LY96: variants seen among roughly 807,000 people sequenced by gnomAD.
LY96 encodes myeloid differentiation protein-2.
Under a neutral mutation model 18.9 loss-of-function variants are expected in LY96, and 18 were observed. That is an observed-to-expected ratio of 0.95 (90% CI 0.66 to 1.41). The LOEUF is 1.41. Ranked by LOEUF, LY96 falls within the 40% of genes most tolerant of loss-of-function variation. The pLI is 0.00. For missense variants in LY96, 175 were observed against 182.4 expected, an observed-to-expected ratio of 0.96 and a Z score of 0.23; for synonymous variants, 66 against 62.6, an observed-to-expected ratio of 1.06 and a Z score of -0.26.
intron 1 of LY96, among the ~76,000 whole-genome samples, chr8:73,999,584 T>G (rs542408775): frequency 6.6e-6 from 1 of 152,350 alleles, no homozygotes; most frequent in East Asian, 1.9e-4. Flanking sequence ...CAGTATTTAG[T>G]AACATTACTG....
the LY96 span, among the ~76,000 whole-genome samples, chr8:74,047,376 C>T: frequency 3.3e-5 from 5 of 152,196 alleles, no homozygotes; most frequent in African/African-American, 9.7e-5. Flanking sequence ...GTTTCTCTCA[C>T]TGTGCTTCTG....
chr8:74,034,647 T>G, the LY96 span, among the ~76,000 whole-genome samples: 1 of 152,188 alleles, frequency 6.6e-6, no homozygotes, highest in Admixed American at 6.5e-5. Context: ...TTGTTTTACC[T>G]CCAAGGAAAC....
At chr8:74,081,867 T>A in the LY96 span, among the ~76,000 whole-genome samples, 1 of 152,270 alleles carries the variant, frequency 6.6e-6, no homozygotes, top group African/African-American at 2.4e-5. Context: ...CTGGCCAGGC[T>A]GGTTTCAAAC....
chr8:74,092,238 A>G, the LY96 span, among the ~76,000 whole-genome samples: 1 of 152,268 alleles, frequency 6.6e-6, no homozygotes, highest in African/African-American at 2.4e-5. Flanking sequence ...GCACCAACTA[A>G]GTCTGTTCAT....
the LY96 span, among the ~76,000 whole-genome samples, chr8:74,073,174 G>A: frequency 6.6e-6 from 1 of 152,164 alleles, no homozygotes; most frequent in Non-Finnish European, 1.5e-5. Flanking sequence ...TGGCCATTCT[G>A]TCTGTGGAAG....
the LY96 span, among the ~76,000 whole-genome samples, chr8:74,070,353 A>G: frequency 6.6e-6 from 1 of 152,160 alleles, no homozygotes; most frequent in Admixed American, 6.5e-5. Context: ...GGCCTCCCGA[A>G]GTGCTAGGAT....
chr8:73,994,318 C>T (rs117630482), intron 1 of LY96, among the ~76,000 whole-genome samples: 74 of 152,278 alleles, frequency 4.9e-4, no homozygotes, highest in Non-Finnish European at 8.7e-4. Context: ...ACTGCCTTCC[C>T]GGCCTGAGAG....
At chr8:74,015,100 G>A (rs1361261339) in intron 3 of LY96, among the ~76,000 whole-genome samples, 1 of 152,056 alleles carries the variant, frequency 6.6e-6, no homozygotes, top group Non-Finnish European at 1.5e-5. Context: ...CCAGATACTT[G>A]AGAGGCTGAG....
At chr8:74,052,324 CT>C in the LY96 span, 1 of 152,232 alleles carries the variant, frequency 6.6e-6, no homozygotes, top group Non-Finnish European at 1.5e-5. Context: ...CCAGGCAACC[CT>C]GTGTGCACAC....
chr8:74,095,499 T>C, the LY96 span, among the ~76,000 whole-genome samples: 1 of 152,160 alleles, frequency 6.6e-6, no homozygotes, highest in Non-Finnish European at 1.5e-5. Context: ...ACATTTCTCT[T>C]CTTACTTCCA....
chr8:74,093,472 T>G, the LY96 span, among the ~76,000 whole-genome samples: 13 of 152,238 alleles, frequency 8.5e-5, no homozygotes, highest in Admixed American at 7.8e-4. Flanking sequence ...GTGCATTTGG[T>G]ACATTCTTAA....
intron 3 of LY96, among the ~76,000 whole-genome samples, chr8:74,024,272 A>G (rs1156458675): frequency 6.6e-6 from 1 of 151,824 alleles, no homozygotes; most frequent in Admixed American, 6.6e-5. Flanking sequence ...AAAATGAAAT[A>G]TGATTCAATT....
the LY96 span, among the ~76,000 whole-genome samples, chr8:74,043,858 C>A: frequency 1.2e-3 from 185 of 152,124 alleles, no homozygotes; most frequent in Non-Finnish European, 1.7e-3. Context: ...ATCTTTGAGA[C>A]ATGGTCTGGC....
the LY96 span, among the ~76,000 whole-genome samples, chr8:74,047,845 T>C: frequency 2.0e-5 from 3 of 152,174 alleles, no homozygotes; most frequent in African/African-American, 7.2e-5. Context: ...ATCATTACCC[T>C]GCTTAAAATA....
chr8:73,993,988 GTT>G (rs534972696), intron 1 of LY96, among the ~76,000 whole-genome samples: 1 of 147,456 alleles, frequency 6.8e-6, no homozygotes. Context: ...TGACTTTCTA[GTT>G]TTTTTTTTTA....
the LY96 span, among the ~76,000 whole-genome samples, chr8:74,048,174 A>G: frequency 6.6e-6 from 1 of 152,168 alleles, no homozygotes; most frequent in African/African-American, 2.4e-5. Context: ...TATGGCCTTC[A>G]AGTCCTCAAA....
At chr8:74,089,609 G>A in the LY96 span, among the ~76,000 whole-genome samples, 1 of 152,326 alleles carries the variant, frequency 6.6e-6, no homozygotes, top group Non-Finnish European at 1.5e-5. Context: ...CAATGTTTGA[G>A]GCTCTGGAGA....
chr8:74,019,284 A>G (rs1816708484), intron 3 of LY96, among the ~76,000 whole-genome samples: 2 of 152,242 alleles, frequency 1.3e-5, no homozygotes, highest in African/African-American at 2.4e-5. Context: ...AGAGAATACT[A>G]TAAACACCTC....
intron 2 of LY96, among the ~76,000 whole-genome samples, chr8:74,008,675 G>A (rs1011067011): frequency 6.6e-6 from 1 of 152,206 alleles, no homozygotes; most frequent in Non-Finnish European, 1.5e-5. Context: ...GATCTGTTGG[G>A]TGAGGTAACT....
Sources: gnomAD v4.1 joint callset for allele counts (sites outside exome capture counted in the v4.1 genomes callset) on GRCh38, gnomAD v4.1.1 for gene constraint, MANE v1.5 for transcripts, NCBI Gene and HGNC (gene_info 2026-07-23, HGNC 2026-07-21) for gene names.